The following IL23R variants were observed in gnomAD, a reference collection of about 807,000 sequenced individuals.
IL23R encodes the protein interleukin 23 receptor, also known as interleukin-23 receptor.
Under a neutral mutation model 56.9 loss-of-function variants are expected in IL23R, and 34 were observed. That is an observed-to-expected ratio of 0.60 (90% CI 0.45 to 0.80). The LOEUF (loss-of-function observed/expected upper bound fraction) is 0.80. Among genes scored for constraint, IL23R ranks in the 30% least tolerant of loss-of-function variants. The probability of loss-of-function intolerance (pLI) is 0.00; values close to 1 mark genes in which losing one functional copy is unlikely to be tolerated. For missense variants in IL23R, 635 were observed against 730.0 expected (o/e 0.87, Z 1.50); for synonymous variants, 230 against 249.2 (o/e 0.92, Z 0.73).
chr1:67,239,021 G>A (rs553876071), intron 8 of IL23R, among the ~76,000 whole-genome samples: 47 of 152,200 alleles, frequency 3.1e-4, no homozygotes, highest in Admixed American at 7.2e-4. Context: ...CTGAAGGAAG[G>A]GAGGGAGTGA....
chr1:67,259,677 C>T lies in IL23R; in HGVS notation c.*549C>T, dbSNP rs1653134386. 1 of 159,904 alleles carries T rather than the reference C, an allele frequency of 6.3e-6. No individual in the cohort carries two copies. Among genetic ancestry groups the T allele is most frequent in the Admixed American group, 6.1e-5 (1 of 16,450 alleles). 9.9% of individuals were successfully genotyped at this position (159,904 alleles called of 1,614,324 possible). A position where few individuals can be genotyped will look rare whatever the true frequency, so the allele number is the denominator to read the frequency against. On this transcript the variant is annotated 3_prime_UTR_variant, in exon 11 of 11. Transcript: ENST00000347310. The stretch of plus-strand genomic sequence containing the variant: ...TGAAAATTTTCCTTTAAAATAGAAT[C>T]ATTAGGCCAGGCGTGGTGGCTCATG...
intron 9 of IL23R, among the ~76,000 whole-genome samples, chr1:67,246,965 C>T (rs1026478714): frequency 5.9e-5 from 9 of 152,098 alleles, no homozygotes; most frequent in African/African-American, 1.9e-4. Flanking sequence ...TTGTAGGTCT[C>T]TAAGAACTGA....
intron 1 of IL23R, among the ~76,000 whole-genome samples, chr1:67,147,554 G>A (rs1646690264): frequency 6.6e-6 from 1 of 152,010 alleles, no homozygotes; most frequent in South Asian, 2.1e-4. Context: ...ACAAAAATTA[G>A]CCAGGCGTGT....
intron 1 of IL23R, among the ~76,000 whole-genome samples, chr1:67,160,258 T>C (rs1353757843): frequency 1.3e-5 from 2 of 152,210 alleles, no homozygotes; most frequent in East Asian, 3.8e-4. Flanking sequence ...TACTGAAGTA[T>C]TAAAATGATT....
At chr1:67,208,845 T>A (rs1282698523) in intron 6 of IL23R, among the ~76,000 whole-genome samples, 1 of 152,102 alleles carries the variant, frequency 6.6e-6, no homozygotes, top group Non-Finnish European at 1.5e-5. Context: ...GAATGGTAGA[T>A]CCACCAACAG....
At chr1:67,218,484 T>C (rs1234372995) in intron 6 of IL23R, among the ~76,000 whole-genome samples, 1 of 151,892 alleles carries the variant, frequency 6.6e-6, no homozygotes, top group Non-Finnish European at 1.5e-5. Context: ...AGTAAAATTA[T>C]TTCATCATTC....
chr1:67,228,030 CTTT>C (rs796928220), intron 7 of IL23R, among the ~76,000 whole-genome samples: 2 of 53,270 alleles, frequency 3.8e-5, no homozygotes, highest in African/African-American at 7.9e-5. Context: ...TCCTTTCTTT[CTTT>C]TCTTTCTTTC....
chr1:67,201,248 C>CA (rs946825257), intron 5 of IL23R, among the ~76,000 whole-genome samples: 86 of 146,902 alleles, frequency 5.9e-4, no homozygotes, highest in Middle Eastern at 3.5e-3. Flanking sequence ...ACTAAAAGTA[C>CA]AAAAAAAAAA....
At chr1:67,188,663 C>T (rs1234273190) in intron 4 of IL23R, among the ~76,000 whole-genome samples, 3 of 152,130 alleles carry the variant, frequency 2.0e-5, no homozygotes, top group African/African-American at 4.8e-5. Context: ...AACAGAAATT[C>T]GTTGCTCACA....
At chr1:67,149,623 G>C (rs911014983) in intron 1 of IL23R, among the ~76,000 whole-genome samples, 6 of 152,062 alleles carry the variant, frequency 3.9e-5, no homozygotes, top group Admixed American at 1.3e-4. Flanking sequence ...CCAAATCCCT[G>C]AGTGAGAACT....
At chr1:67,153,910 C>T (rs532638201) in intron 1 of IL23R, among the ~76,000 whole-genome samples, 1 of 152,042 alleles carries the variant, frequency 6.6e-6, no homozygotes, top group African/African-American at 2.4e-5. Flanking sequence ...GGACTACAGG[C>T]GCCTGCCACC....
chr1:67,193,076 C>T (rs1647868359), intron 4 of IL23R, among the ~76,000 whole-genome samples: 1 of 152,156 alleles, frequency 6.6e-6, no homozygotes, highest in South Asian at 2.1e-4. Flanking sequence ...CCTCACTGAC[C>T]TCCTTGCTGC....
At chr1:67,248,518 T>A (rs1029107819) in intron 9 of IL23R, among the ~76,000 whole-genome samples, 1 of 152,192 alleles carries the variant, frequency 6.6e-6, no homozygotes, top group Admixed American at 6.5e-5. Flanking sequence ...ATTCGTCTTT[T>A]TTTCAAGGTT....
intron 7 of IL23R, among the ~76,000 whole-genome samples, chr1:67,226,807 G>T (rs1240386936): frequency 6.6e-6 from 1 of 152,142 alleles, no homozygotes; most frequent in East Asian, 1.9e-4. Flanking sequence ...GACAGAAAAG[G>T]GTGGGCATGT....
intron 1 of IL23R, among the ~76,000 whole-genome samples, chr1:67,148,241 T>C (rs1265836443): frequency 6.6e-6 from 1 of 152,254 alleles, no homozygotes; most frequent in East Asian, 1.9e-4. Context: ...CAATCAGCAG[T>C]AGTGGACGGC....
chr1:67,225,150 T>C (rs1286355112), intron 7 of IL23R, among the ~76,000 whole-genome samples: 1 of 152,226 alleles, frequency 6.6e-6, no homozygotes, highest in Non-Finnish European at 1.5e-5. Context: ...CATTAGCTAG[T>C]AATAAAACTA....
chr1:67,255,390 T>C (rs1048320176), intron 9 of IL23R, among the ~76,000 whole-genome samples: 1 of 152,186 alleles, frequency 6.6e-6, no homozygotes, highest in Non-Finnish European at 1.5e-5. Context: ...TTAATTTTCA[T>C]TAAGTAAGAG....
intron 4 of IL23R, among the ~76,000 whole-genome samples, chr1:67,186,573 A>G (rs1647351324): frequency 6.6e-6 from 1 of 152,172 alleles, no homozygotes; most frequent in Non-Finnish European, 1.5e-5. Flanking sequence ...ACTTCATGTA[A>G]AAGGAATCAT....
chr1:67,139,507 T>A (rs1289064269), intron 1 of IL23R, among the ~76,000 whole-genome samples: 1 of 152,186 alleles, frequency 6.6e-6, no homozygotes, highest in Non-Finnish European at 1.5e-5. Context: ...AAAATTTGAC[T>A]TCTTCAGTCC....
Sources: allele counts gnomAD v4.1 joint callset (sites outside exome capture counted in the v4.1 genomes callset), GRCh38; gene constraint gnomAD v4.1.1; transcripts MANE v1.5; gene names NCBI Gene and HGNC (gene_info 2026-07-23, HGNC 2026-07-21).